The following ARHGEF12 variants were observed in gnomAD, a reference collection of about 807,000 sequenced individuals.
The protein encoded by ARHGEF12 is KMT2A/ARHGEF12 fusion protein.
A neutral mutation model predicts 211.2 loss-of-function variants in ARHGEF12; 66 were observed. The observed-to-expected ratio is 0.31, with a 90% CI of 0.26 to 0.38. ARHGEF12 has a LOEUF of 0.38. Among genes scored for constraint, ARHGEF12 ranks in the 10% least tolerant of loss-of-function variants. The pLI is 1.00. For synonymous variants in ARHGEF12, 592 were observed against 638.4 expected, an observed-to-expected ratio of 0.93 and a Z score of 1.09; for missense variants, 1,429 against 1,869.5, an observed-to-expected ratio of 0.76 and a Z score of 4.34.
In ARHGEF12 at chr11:120,407,769, A is replaced by G. The variant is rs1944754099; in HGVS notation, c.88A>G (p.Thr30Ala). 1.2e-6 allele frequency: 2 copies of G among 1,613,618 alleles called. No individual in the cohort carries two copies. The highest frequency in any genetic ancestry group is 1.7e-5 in the Admixed American group (1 of 60,010). ...AAGTATTTTGAACCGAGAGTCACCA[A>G]CAGATAAGAAGCAGAAAGTTGAGCG... ...HGSILNRESP[T>A]DKKQKVERIA... Residue 30 changes from threonine (T) to alanine (A), a missense_variant, in exon 3 of 41, where the codon ACA becomes GCA. By Grantham distance (58) the Thr-to-Ala change is moderately conservative. This residue lies in a region of ARHGEF12 where 41 missense variants were observed against 48.6 expected (regional missense o/e 0.84). Coordinates refer to ENST00000397843, the MANE Select transcript of ARHGEF12 (RefSeq NM_015313.3).
chr11:120,427,663 C>A (rs1282506476), intron 7 of ARHGEF12, among the ~76,000 whole-genome samples: 1 of 148,862 alleles, frequency 6.7e-6, no homozygotes, highest in Admixed American at 6.7e-5. Flanking sequence ...CAAAGTGAGA[C>A]CCTAATTAAA....
rs769145602 is a variant in ARHGEF12 at position 120,485,128 on chromosome 11, C to T, written c.*51C>T. 20 of 1,609,044 alleles carry T rather than the reference C, an allele frequency of 1.2e-5. No individual in the cohort carries two copies. The highest frequency in any genetic ancestry group is 1.1e-4 in the South Asian group (10 of 90,774). On this transcript the variant is annotated 3_prime_UTR_variant, in exon 41 of 41. Transcript: ENST00000397843. ...AGGTTGTTGGATTTGGAGTATCGGC[C>T]GTGTCTCACCACATCCTGGCTCCAG...
chr11:120,345,077 A>C (rs935833205), intron 1 of ARHGEF12, among the ~76,000 whole-genome samples: 1 of 152,106 alleles, frequency 6.6e-6, no homozygotes, highest in African/African-American at 2.4e-5. Context: ...AGCTTGTCCA[A>C]CCTGCCTTAT....
chr11:120,368,414 A>G (rs1397208304), intron 1 of ARHGEF12, among the ~76,000 whole-genome samples: 1 of 152,194 alleles, frequency 6.6e-6, no homozygotes, highest in Non-Finnish European at 1.5e-5. Context: ...AAGTGCTGGG[A>G]TTACAGACGT....
intron 4 of ARHGEF12, among the ~76,000 whole-genome samples, chr11:120,419,467 G>A (rs1336689142): frequency 1.4e-5 from 2 of 138,338 alleles, no homozygotes; most frequent in Non-Finnish European, 3.1e-5. Context: ...TTCCTTTTGT[G>A]TTATCTTATG....
intron 7 of ARHGEF12, among the ~76,000 whole-genome samples, chr11:120,424,991 T>C (rs1043375326): frequency 4.6e-5 from 7 of 152,134 alleles, no homozygotes; most frequent in African/African-American, 1.7e-4. Context: ...CAGGTTTGAG[T>C]GAATAGCCCA....
chr11:120,373,804 G>T (rs1251252723), intron 1 of ARHGEF12, among the ~76,000 whole-genome samples: 1 of 151,878 alleles, frequency 6.6e-6, no homozygotes, highest in Non-Finnish European at 1.5e-5. Context: ...TATGAAAAAT[G>T]GATTTTTTGT....
chr11:120,476,482 A>C lies in ARHGEF12; in HGVS notation c.3278-179A>C. The C allele has an allele frequency of 8.9e-6, 4 of 448,598 alleles. 1 individual carries two copies. In the East Asian group the frequency reaches 1.3e-4, roughly 14 times the overall value. The allele number at this position is 448,598 out of a possible 1,614,324, so 27.8% of individuals were successfully genotyped here. A position where few individuals can be genotyped will look rare whatever the true frequency, so the allele number is the denominator to read the frequency against. On this transcript the variant is annotated intron_variant, in intron 33 of 40. Coordinates refer to ENST00000397843, the MANE Select transcript of ARHGEF12 (RefSeq NM_015313.3). ...TATTGAAGTACAATAAATATAGTACAATAAATACGTTAATATGGTAAGTTG... is the reference window on the plus strand; with the variant it reads ...TATTGAAGTACAATAAATATAGTACCATAAATACGTTAATATGGTAAGTTG...
chr11:120,384,716 G>A (rs1943977519), intron 1 of ARHGEF12, among the ~76,000 whole-genome samples: 2 of 152,078 alleles, frequency 1.3e-5, no homozygotes, highest in South Asian at 4.2e-4. Context: ...AGACAGAGTA[G>A]CATGAAGAAA....
intron 1 of ARHGEF12, among the ~76,000 whole-genome samples, chr11:120,387,773 C>G (rs1944084317): frequency 6.6e-6 from 1 of 152,062 alleles, no homozygotes; most frequent in Admixed American, 6.5e-5. Context: ...GTTTATGTGT[C>G]ACTGTATAGT....
At chr11:120,452,620 G>A (rs1351637723) in intron 22 of ARHGEF12, among the ~76,000 whole-genome samples, 1 of 152,208 alleles carries the variant, frequency 6.6e-6, no homozygotes, top group Non-Finnish European at 1.5e-5. Flanking sequence ...CAAAGGTTTA[G>A]CATTGCTAGA....
chr11:120,375,194 A>T (rs1591516900), intron 1 of ARHGEF12, among the ~76,000 whole-genome samples: 1 of 152,192 alleles, frequency 6.6e-6, no homozygotes, highest in African/African-American at 2.4e-5. Context: ...TCTTCTTATC[A>T]TGGAAACTGT....
rs74718178 is a variant in ARHGEF12, at chr11:120,466,201, C to A, written c.2739+839C>A. Among the ~76,000 whole-genome samples the A allele has an allele frequency of 8.4e-3, 1,284 of 152,364 alleles. 86 individuals are homozygous for A. The South Asian group carries it at 0.16, about 19-fold the overall frequency. On this transcript the variant is annotated intron_variant, in intron 28 of 40. Coordinates refer to ENST00000397843, the MANE Select transcript of ARHGEF12 (RefSeq NM_015313.3). ...GAGATCACAGCGTCAGCGGGAGCTGCAGTTTTCATCTGATGCTCGAGGTTC... is the reference window on the plus strand; with the variant it reads ...GAGATCACAGCGTCAGCGGGAGCTGAAGTTTTCATCTGATGCTCGAGGTTC...
At chr11:120,380,573 G>A (rs368659898) in intron 1 of ARHGEF12, among the ~76,000 whole-genome samples, 2 of 152,286 alleles carry the variant, frequency 1.3e-5, no homozygotes, top group African/African-American at 2.4e-5. Context: ...TGGGTTATGC[G>A]TTTTTGGAAA....
intron 26 of ARHGEF12, among the ~76,000 whole-genome samples, chr11:120,459,526 C>T (rs1946461085): frequency 6.6e-6 from 1 of 152,122 alleles, no homozygotes; most frequent in African/African-American, 2.4e-5. Context: ...ATAGGGCTTC[C>T]AGTCTAAAGT....
At chr11:120,454,571 G>C (rs1364413116) in intron 22 of ARHGEF12, among the ~76,000 whole-genome samples, 1 of 152,100 alleles carries the variant, frequency 6.6e-6, no homozygotes, top group African/African-American at 2.4e-5. Flanking sequence ...TCGACTTTTT[G>C]GTGGATGAAG....
intron 4 of ARHGEF12, chr11:120,410,117 C>A (rs1944836560): frequency 6.6e-6 from 1 of 152,094 alleles, no homozygotes; most frequent in Non-Finnish European, 1.5e-5. Flanking sequence ...CAAGTTTAAC[C>A]TGAGTGGTCA....
intron 10 of ARHGEF12, among the ~76,000 whole-genome samples, chr11:120,431,015 C>A (rs554700009): frequency 6.6e-6 from 1 of 152,184 alleles, no homozygotes; most frequent in South Asian, 2.1e-4. Flanking sequence ...CCTGGCCAGG[C>A]GCAGTGGCTC....
chr11:120,381,970 G>A (rs945832445), intron 1 of ARHGEF12, among the ~76,000 whole-genome samples: 1 of 152,180 alleles, frequency 6.6e-6, no homozygotes, highest in Non-Finnish European at 1.5e-5. Flanking sequence ...CTTCTTTCAT[G>A]TAGTAAAATG....
Sources: gnomAD v4.1 joint callset for allele counts (sites outside exome capture counted in the v4.1 genomes callset) on GRCh38, gnomAD v4.1.1 for gene constraint, gnomAD v4.1.1 regional missense constraint, MANE v1.5 for transcripts, NCBI Gene and HGNC (gene_info 2026-07-23, HGNC 2026-07-21) for gene names.